The following SNX29 variants were observed in gnomAD, a reference collection of about 807,000 sequenced individuals.
SNX29 encodes sorting nexin-29.
Under a neutral mutation model 102.1 loss-of-function variants are expected in SNX29, and 78 were observed. The observed-to-expected ratio is 0.76, with a 90% CI of 0.64 to 0.92. SNX29 has a LOEUF of 0.92. Among genes scored for constraint, SNX29 ranks in the 40% least tolerant of loss-of-function variants. The pLI, the probability that SNX29 is intolerant of heterozygous loss-of-function variation, is 0.00. For missense variants in SNX29, 1,280 were observed against 1,061.7 expected (o/e 1.21, Z -2.86); for synonymous variants, 580 against 414.5 (o/e 1.40, Z -4.85).
intron 15 of SNX29, among the ~76,000 whole-genome samples, chr16:12,310,005 C>T (rs1010520390): frequency 5.9e-5 from 9 of 151,736 alleles, no homozygotes; most frequent in East Asian, 2.0e-4. Flanking sequence ...TAAACACAGA[C>T]GTGTGCACGC....
At chr16:12,429,076 T>C (rs2085204920) in intron 18 of SNX29, among the ~76,000 whole-genome samples, 1 of 151,928 alleles carries the variant, frequency 6.6e-6, no homozygotes, top group Admixed American at 6.6e-5. Context: ...AACTAATATC[T>C]CCTAGTTAAT....
intron 16 of SNX29, chr16:12,373,759 A>T (rs1234917232): frequency 1.3e-5 from 2 of 152,120 alleles, no homozygotes; most frequent in African/African-American, 2.4e-5. Flanking sequence ...TGCCCTGAAC[A>T]CACATGGTGA....
intron 18 of SNX29, among the ~76,000 whole-genome samples, chr16:12,442,392 T>C (rs932268861): frequency 6.6e-6 from 1 of 152,222 alleles, no homozygotes; most frequent in African/African-American, 2.4e-5. Flanking sequence ...TTTTCTCTCT[T>C]CTTCCCTTCT....
At chr16:12,069,405 A>G (rs1311335054) in intron 10 of SNX29, among the ~76,000 whole-genome samples, 3 of 151,936 alleles carry the variant, frequency 2.0e-5, no homozygotes, top group Non-Finnish European at 2.9e-5. Context: ...AGTTGGAATT[A>G]CAGGCACACA....
chr16:12,017,066 C>T (rs1026789373), intron 3 of SNX29, among the ~76,000 whole-genome samples: 4 of 151,984 alleles, frequency 2.6e-5, no homozygotes. Flanking sequence ...GAGGTCGAGA[C>T]TGCGGTGAGC....
chr16:12,174,092 CT>C (rs1224569184), intron 13 of SNX29, among the ~76,000 whole-genome samples: 2 of 152,180 alleles, frequency 1.3e-5, no homozygotes, highest in Non-Finnish European at 1.5e-5. Flanking sequence ...CCCTGTGCTT[CT>C]TATTAGTGGT....
intron 20 of SNX29, among the ~76,000 whole-genome samples, chr16:12,558,848 G>C (rs1008976599): frequency 4.6e-5 from 7 of 152,230 alleles, no homozygotes; most frequent in African/African-American, 1.7e-4. Flanking sequence ...AGAGCCACAA[G>C]AGGGCCACAG....
At chr16:12,527,737 G>T (rs2076824576) in intron 20 of SNX29, among the ~76,000 whole-genome samples, 1 of 152,094 alleles carries the variant, frequency 6.6e-6, no homozygotes, top group African/African-American at 2.4e-5. Flanking sequence ...TGGGAAGCCT[G>T]CACCCTGTGG....
At chr16:12,183,251 T>G (rs973148178) in intron 13 of SNX29, among the ~76,000 whole-genome samples, 14 of 152,230 alleles carry the variant, frequency 9.2e-5, no homozygotes, top group Non-Finnish European at 5.9e-5. Context: ...TCCTCCCGCC[T>G]TAGCCTCCCA....
At chr16:12,475,157 C>T (rs75038825) in intron 18 of SNX29, among the ~76,000 whole-genome samples, 3,019 of 152,306 alleles carry the variant, frequency 0.02, 51 homozygotes, top group Middle Eastern at 0.041. Context: ...AGAAAGGTTG[C>T]ACTGCTTGTC....
At chr16:12,010,536 GGATCA>G (rs2056612827) in intron 3 of SNX29, among the ~76,000 whole-genome samples, 1 of 152,160 alleles carries the variant, frequency 6.6e-6, no homozygotes, top group Non-Finnish European at 1.5e-5. Flanking sequence ...TGAAGCGGGA[GGATCA>G]CTTGAGCCTA....
rs768501714 is a variant in SNX29, at chr16:12,048,526, C to G, written c.654C>G (p.Phe218Leu). The change falls in exon 7 of 21, where the codon TTC becomes TTG. Residue 218 changes from phenylalanine (F) to leucine (L), a missense_variant. Physicochemically the swap from Phe to Leu is conservative, Grantham distance 22. Coordinates refer to ENST00000566228, the MANE Select transcript of SNX29 (RefSeq NM_032167.5). The part of the protein sequence containing the change: ...KESTQGVSSL[F>L]REITASSAVS... ...CCACGCAAGGAGTGAGCAGCCTGTT[C>G]AGGGAGATCACAGCCTCCTCTGCCG... is the stretch of plus-strand genomic sequence containing the variant. 6.8e-6 allele frequency: 11 copies of G among 1,613,942 alleles called. No homozygotes were observed. The East Asian group carries it at 2.0e-4, about 29-fold the overall frequency.
rs571483442 is a variant in SNX29, at chr16:12,555,697, C to G, written c.2319-12809C>G. Among the ~76,000 whole-genome samples, 10 of 152,246 alleles carry G rather than the reference C, an allele frequency of 6.6e-5. No homozygotes were observed. The East Asian group carries it at 1.2e-3, about 18-fold the overall frequency. On this transcript the variant is annotated intron_variant, in intron 20 of 20. Transcript: ENST00000566228. ...GTCTGAGAATAAGCCTTCCGATACTCTACGAGATTCTCCCTGATTGGCCCT... is the reference window on the plus strand; with the variant it reads ...GTCTGAGAATAAGCCTTCCGATACTGTACGAGATTCTCCCTGATTGGCCCT...
At chr16:12,294,299 T>A (rs1346336392) in intron 15 of SNX29, among the ~76,000 whole-genome samples, 1 of 152,186 alleles carries the variant, frequency 6.6e-6, no homozygotes, top group African/African-American at 2.4e-5. Flanking sequence ...CCTGCTGTGA[T>A]GGGGAACCCT....
chr16:11,995,679 T>C (rs1003311419), intron 1 of SNX29, among the ~76,000 whole-genome samples: 1 of 149,314 alleles, frequency 6.7e-6, no homozygotes, highest in Non-Finnish European at 1.5e-5. Context: ...TCGAGGATCA[T>C]TGTGCATACC....
chr16:12,350,111 A>G (rs1352433983), intron 15 of SNX29, among the ~76,000 whole-genome samples: 1 of 152,158 alleles, frequency 6.6e-6, no homozygotes, highest in Non-Finnish European at 1.5e-5. Flanking sequence ...ACTGTCATAG[A>G]GTCACTTGCC....
At chr16:12,157,227 G>A (rs1485359062) in intron 13 of SNX29, among the ~76,000 whole-genome samples, 1 of 152,080 alleles carries the variant, frequency 6.6e-6, no homozygotes, top group Non-Finnish European at 1.5e-5. Flanking sequence ...TCCCCTCAAG[G>A]TGCTGGCTGT....
chr16:12,152,046 G>A (rs952117671), intron 13 of SNX29, among the ~76,000 whole-genome samples: 3 of 152,060 alleles, frequency 2.0e-5, no homozygotes, highest in East Asian at 1.9e-4. Flanking sequence ...TGGTGAAACC[G>A]CATCTCTACA....
chr16:12,540,697 C>T (rs891356084), intron 20 of SNX29, among the ~76,000 whole-genome samples: 4 of 152,156 alleles, frequency 2.6e-5, no homozygotes, highest in African/African-American at 9.7e-5. Flanking sequence ...TGTAGAAGCT[C>T]ACATATGAAG....
Sources: allele counts gnomAD v4.1 joint callset (sites outside exome capture counted in the v4.1 genomes callset), GRCh38; gene constraint gnomAD v4.1.1; transcripts MANE v1.5; gene names NCBI Gene and HGNC (gene_info 2026-07-23, HGNC 2026-07-21).